Variants in CDKN3 observed in about 807,000 individuals in gnomAD.
CDKN3 encodes cyclin-dependent kinase inhibitor 3.
A neutral mutation model predicts 36.1 loss-of-function variants in CDKN3; 19 were observed. That is an observed-to-expected ratio of 0.53 (90% CI 0.37 to 0.77). CDKN3 has a LOEUF of 0.77. Among genes scored for constraint, CDKN3 ranks in the 30% least tolerant of loss-of-function variants. The pLI is 0.00. For missense variants in CDKN3, 188 were observed against 248.6 expected, an observed-to-expected ratio of 0.76 and a Z score of 1.64; for synonymous variants, 71 against 85.3, an observed-to-expected ratio of 0.83 and a Z score of 0.92.
chr14:54,412,449 T>G (rs2030392214), intron 5 of CDKN3, among the ~76,000 whole-genome samples: 1 of 151,982 alleles, frequency 6.6e-6, no homozygotes, highest in East Asian at 1.9e-4. Flanking sequence ...CTCTAAGCAA[T>G]AAGCAATCCT....
At chr14:54,406,896 G>C (rs560557461) in intron 3 of CDKN3, among the ~76,000 whole-genome samples, 1 of 152,110 alleles carries the variant, frequency 6.6e-6, no homozygotes, top group Non-Finnish European at 1.5e-5. Flanking sequence ...GCGAGGAGTT[G>C]TGATCCTTTG....
chr14:54,402,305 TGTGC>T (rs910438538), intron 3 of CDKN3, among the ~76,000 whole-genome samples: 1 of 93,516 alleles, frequency 1.1e-5, no homozygotes, highest in East Asian at 2.9e-4. Context: ...ATGGCATGTG[TGTGC>T]GTGTGTGTGT....
chr14:54,415,781 G>T (rs1423078540), intron 5 of CDKN3, 118 bp from the exon 6 acceptor site: 2 of 759,336 alleles, frequency 2.6e-6, no homozygotes, highest in East Asian at 2.5e-5. Context: ...TAATCTTCGT[G>T]TGCAAGGCAC....
chr14:54,402,601 GT>G (rs1288782166), intron 3 of CDKN3, among the ~76,000 whole-genome samples: 1 of 152,138 alleles, frequency 6.6e-6, no homozygotes, highest in Non-Finnish European at 1.5e-5. Context: ...CGCCTTTGGT[GT>G]TTTAGTCATG....
chr14:54,409,274 T>C (rs935669447), intron 4 of CDKN3, among the ~76,000 whole-genome samples: 2 of 152,116 alleles, frequency 1.3e-5, no homozygotes, highest in Non-Finnish European at 1.5e-5. Flanking sequence ...AGGATGTTCA[T>C]ACCATTATAG....
chr14:54,417,931 G>A lies in CDKN3; in HGVS notation c.532G>A (p.Gly178Arg), dbSNP rs552393486. The change falls in exon 7 of 8, where the codon GGG becomes AGG. Residue 178 changes from glycine to arginine, a missense_variant. Gly to Arg is a moderately radical substitution (Grantham distance 125). Coordinates refer to ENST00000335183, the MANE Select transcript of CDKN3 (RefSeq NM_005192.4). ...IDSLRDLRGS[G>R]AIQTIKQYNY... ...CAGCCTGCGAGACCTAAGAGGATCC[G>A]GGGCAATACAGACCATCAAGGTGAG... 64 of 1,588,512 alleles carry A rather than the reference G, an allele frequency of 4.0e-5. No individual in the cohort carries two copies. The South Asian group carries it at 4.1e-4, about 10-fold the overall frequency.
intron 3 of CDKN3, among the ~76,000 whole-genome samples, chr14:54,406,428 G>A (rs2030161142): frequency 6.6e-6 from 1 of 152,170 alleles, no homozygotes; most frequent in Non-Finnish European, 1.5e-5. Context: ...ATATCCTGAA[G>A]TGTGTTTTCC....
chr14:54,410,987 T>C (rs981746653), intron 4 of CDKN3, among the ~76,000 whole-genome samples: 1 of 152,058 alleles, frequency 6.6e-6, no homozygotes, highest in Non-Finnish European at 1.5e-5. Context: ...AAGACCAGCC[T>C]GACAAACATG....
At chr14:54,418,431 C>T in intron 7 of CDKN3, 2 of 605,394 alleles carry the variant, frequency 3.3e-6, no homozygotes, top group East Asian at 5.6e-5. Context: ...GCTAATTATC[C>T]TTTGCAGTAG....
At chr14:54,413,581 C>A in intron 5 of CDKN3, 1 of 1,474,290 alleles carries the variant, frequency 6.8e-7, no homozygotes, top group African/African-American at 1.4e-5. Flanking sequence ...AAGCATCTGA[C>A]AACTGGCATT....
Position 54,411,562 on chromosome 14 carries a change from A to T in CDKN3, c.272A>T (p.Asn91Ile), listed in dbSNP as rs1423944580. 6.2e-7 allele frequency: 1 copy of T among 1,614,148 alleles called. No homozygotes were observed. Among genetic ancestry groups the T allele is most frequent in the East Asian group, 2.2e-5 (1 of 44,878 alleles). The change falls in exon 5 of 8, where the codon AAC becomes ATC. Residue 91 changes from asparagine (N) to isoleucine (I), a missense_variant. Transcript: ENST00000335183. ...RGELSKYRVP[N>I]LLDLYQQCGI... ...GAACTGTCAAAATATAGAGTCCCAA[A>T]CCTTCTGGATCTCTACCAGCAATGT...
chr14:54,409,059 A>C (rs777305981), intron 4 of CDKN3, among the ~76,000 whole-genome samples: 36 of 152,120 alleles, frequency 2.4e-4, no homozygotes, highest in South Asian at 6.2e-4. Flanking sequence ...AGAAGTTGGC[A>C]TGAAAAAAAG....
At chr14:54,402,528 T>G (rs1330220441) in intron 3 of CDKN3, among the ~76,000 whole-genome samples, 1 of 152,212 alleles carries the variant, frequency 6.6e-6, no homozygotes, top group African/African-American at 2.4e-5. Context: ...TAGTTTCTTT[T>G]GCTGTGCAGA....
In CDKN3 at chr14:54,408,757, AAG is replaced by A. The variant is rs765916626; in HGVS notation, c.163_164del (p.Asp55CysfsTer2). On this transcript the variant is annotated frameshift_variant, in exon 4 of 8. Transcript: ENST00000335183. LOFTEE classifies it high-confidence loss of function. ...TTATTACTTATAGGTTGTAAATTTA[AAG>A]ATGTTAGAAGAAATGTCCAAAAAGA... The A allele has an allele frequency of 6.3e-7, 1 of 1,575,264 alleles. No homozygotes were observed. The highest frequency in any genetic ancestry group is 1.2e-5 in the South Asian group (1 of 81,328).
intron 4 of CDKN3, among the ~76,000 whole-genome samples, chr14:54,408,997 CTGAT>C (rs4251628): frequency 0.03 from 4,520 of 152,040 alleles, 227 homozygotes; most frequent in African/African-American, 0.1. Flanking sequence ...TTGCTTTTCA[CTGAT>C]TGTTGTAGTT....
At chr14:54,406,197 A>C (rs1217408851) in intron 3 of CDKN3, among the ~76,000 whole-genome samples, 1 of 152,216 alleles carries the variant, frequency 6.6e-6, no homozygotes, top group Non-Finnish European at 1.5e-5. Context: ...GGGTTTCTGC[A>C]GAGAGATATG....
chr14:54,405,963 CA>C (rs1456192704), intron 3 of CDKN3, among the ~76,000 whole-genome samples: 2 of 152,134 alleles, frequency 1.3e-5, no homozygotes, highest in African/African-American at 4.8e-5. Flanking sequence ...TATGTTTTTG[CA>C]GTGGCTCATA....
chr14:54,410,381 A>G (rs763240365), intron 4 of CDKN3, among the ~76,000 whole-genome samples: 1 of 152,210 alleles, frequency 6.6e-6, no homozygotes, highest in Non-Finnish European at 1.5e-5. Flanking sequence ...GGTACTTTGT[A>G]CTTAAATAGC....
At chr14:54,404,626 G>C (rs61659906) in intron 3 of CDKN3, among the ~76,000 whole-genome samples, 35,914 of 151,726 alleles carry the variant, frequency 0.24, 4,533 homozygotes, top group East Asian at 0.37. Context: ...CCAGGCTACA[G>C]TGCAATGGCA....
Sources: allele counts gnomAD v4.1 joint callset (sites outside exome capture counted in the v4.1 genomes callset), GRCh38; gene constraint gnomAD v4.1.1; transcripts MANE v1.5; gene names NCBI Gene and HGNC (gene_info 2026-07-23, HGNC 2026-07-21).